The following CNTNAP5 variants were observed in gnomAD, a reference collection of about 807,000 sequenced individuals.
The protein encoded by CNTNAP5 is contactin-associated protein-like 5.
A neutral mutation model predicts 150.2 loss-of-function variants in CNTNAP5; 72 were observed. The observed-to-expected ratio is 0.48, with a 90% confidence interval of 0.40 to 0.58. The LOEUF is 0.58. Among genes scored for constraint, CNTNAP5 ranks in the 20% least tolerant of loss-of-function variants. CNTNAP5 has a pLI of 0.00. For synonymous variants in CNTNAP5, 672 were observed against 619.8 expected, an observed-to-expected ratio of 1.08 and a Z score of -1.25; for missense variants, 1,636 against 1,626.2, an observed-to-expected ratio of 1.01 and a Z score of -0.10.
chr2:124,068,387 C>T (rs1558743992), intron 1 of CNTNAP5, among the ~76,000 whole-genome samples: 1 of 152,148 alleles, frequency 6.6e-6, no homozygotes, highest in African/African-American at 2.4e-5. Context: ...TCATCCAGGG[C>T]CCACAGAAGG....
chr2:124,652,306 G>C (rs1678339984), intron 13 of CNTNAP5, among the ~76,000 whole-genome samples: 1 of 152,128 alleles, frequency 6.6e-6, no homozygotes, highest in African/African-American at 2.4e-5. Flanking sequence ...GAGGCCCTTT[G>C]CTACAGTGCA....
At chr2:124,288,931 G>A (rs1215912449) in intron 3 of CNTNAP5, among the ~76,000 whole-genome samples, 1 of 152,182 alleles carries the variant, frequency 6.6e-6, no homozygotes, top group African/African-American at 2.4e-5. Context: ...TGTAGTAGAA[G>A]TGAATTCTAG....
chr2:124,062,938 A>T (rs1682054036), intron 1 of CNTNAP5, among the ~76,000 whole-genome samples: 1 of 152,144 alleles, frequency 6.6e-6, no homozygotes, highest in South Asian at 2.1e-4. Flanking sequence ...AGTATATCAC[A>T]TTCATTCATT....
intron 19 of CNTNAP5, among the ~76,000 whole-genome samples, chr2:124,852,014 A>T (rs1215654020): frequency 6.6e-6 from 1 of 152,186 alleles, no homozygotes; most frequent in Non-Finnish European, 1.5e-5. Context: ...AGGAGAGAGG[A>T]GAGGACACAA....
At chr2:124,699,808 CTCTT>C (rs199864543) in intron 13 of CNTNAP5, among the ~76,000 whole-genome samples, 15,347 of 151,728 alleles carry the variant, frequency 0.1, 1,065 homozygotes, top group Non-Finnish European at 0.16. Context: ...TTCTTTCTTT[CTCTT>C]TCTTTCTTTC....
intron 13 of CNTNAP5, among the ~76,000 whole-genome samples, chr2:124,667,743 C>T (rs1678730499): frequency 6.6e-6 from 1 of 152,232 alleles, no homozygotes; most frequent in African/African-American, 2.4e-5. Flanking sequence ...TATTCTCTCT[C>T]TCTTATTTTT....
intron 13 of CNTNAP5, among the ~76,000 whole-genome samples, chr2:124,670,418 T>C (rs1678797630): frequency 6.6e-6 from 1 of 151,930 alleles, no homozygotes; most frequent in Non-Finnish European, 1.5e-5. Flanking sequence ...ATAATTGAGT[T>C]GTTTGTCTTT....
intron 16 of CNTNAP5, among the ~76,000 whole-genome samples, chr2:124,768,855 T>G (rs532025839): frequency 6.6e-6 from 1 of 152,290 alleles, no homozygotes; most frequent in Non-Finnish European, 1.5e-5. Context: ...TTTTGTGCAA[T>G]ACCACAGGTA....
intron 1 of CNTNAP5, among the ~76,000 whole-genome samples, chr2:124,046,935 A>G (rs953697155): frequency 3.9e-5 from 6 of 152,184 alleles, no homozygotes; most frequent in African/African-American, 1.2e-4. Context: ...TTGAATGGCC[A>G]TTAAGGTCTC....
intron 12 of CNTNAP5, among the ~76,000 whole-genome samples, chr2:124,643,594 G>A (rs909046251): frequency 6.6e-6 from 1 of 152,142 alleles, no homozygotes; most frequent in African/African-American, 2.4e-5. Context: ...TGCAGAGTAT[G>A]TTCCCCATCG....
chr2:124,252,999 C>T (rs950086297), intron 3 of CNTNAP5, among the ~76,000 whole-genome samples: 9 of 151,400 alleles, frequency 5.9e-5, no homozygotes, highest in Non-Finnish European at 1.3e-4. Context: ...TGTATATATA[C>T]ACATATATAA....
At chr2:124,162,569 G>A (rs987165597) in intron 1 of CNTNAP5, among the ~76,000 whole-genome samples, 13 of 152,226 alleles carry the variant, frequency 8.5e-5, no homozygotes, top group Admixed American at 7.2e-4. Context: ...TGACTTGGGG[G>A]TTAAAATAAA....
At chr2:124,260,551 C>A (rs554672621) in intron 3 of CNTNAP5, among the ~76,000 whole-genome samples, 1 of 152,232 alleles carries the variant, frequency 6.6e-6, no homozygotes, top group East Asian at 1.9e-4. Context: ...TCTGCACAGC[C>A]AAAGAAACTG....
rs139644758 is a variant in CNTNAP5, at chr2:124,026,860, TC to T, written c.82+1130del. 7.5e-4 allele frequency among the ~76,000 whole-genome samples: 114 copies of T among 152,318 alleles called. 1 individual carries two copies. The highest frequency in any genetic ancestry group is 2.5e-3 in the African/African-American group (102 of 41,570). On this transcript the variant is annotated intron_variant, in intron 1 of 23. Transcript: ENST00000682447. ...ACATAGGGACCTTTCTACCTCACTC[TC>T]CACCCAGTTAGGTCCTAGAGGACCC...
At chr2:124,231,620 A>G (rs1333994556) in intron 2 of CNTNAP5, among the ~76,000 whole-genome samples, 1 of 152,192 alleles carries the variant, frequency 6.6e-6, no homozygotes, top group Non-Finnish European at 1.5e-5. Context: ...AGAAACCTAT[A>G]TATCTTGCCT....
intron 1 of CNTNAP5, among the ~76,000 whole-genome samples, chr2:124,113,134 C>A (rs1364778760): frequency 6.6e-6 from 1 of 152,132 alleles, no homozygotes; most frequent in Admixed American, 6.6e-5. Flanking sequence ...CGTGGCTCAA[C>A]AATTCCACTT....
At chr2:124,190,180 T>C (rs774528255) in intron 1 of CNTNAP5, among the ~76,000 whole-genome samples, 10 of 152,332 alleles carry the variant, frequency 6.6e-5, no homozygotes, top group Middle Eastern at 3.4e-3. Flanking sequence ...TATTCCATAA[T>C]GTGTATGTTA....
chr2:124,882,608 T>C (rs1677986971), intron 21 of CNTNAP5, among the ~76,000 whole-genome samples: 1 of 152,140 alleles, frequency 6.6e-6, no homozygotes, highest in South Asian at 2.1e-4. Flanking sequence ...GCAGAGATGC[T>C]GTCTTCATCA....
intron 3 of CNTNAP5, among the ~76,000 whole-genome samples, chr2:124,408,079 A>G (rs1294818426): frequency 6.6e-6 from 1 of 152,232 alleles, no homozygotes; most frequent in Admixed American, 6.5e-5. Context: ...GGGAAGCGCA[A>G]GGGGTCAGGG....
Sources: allele counts gnomAD v4.1 joint callset (sites outside exome capture counted in the v4.1 genomes callset), GRCh38; gene constraint gnomAD v4.1.1; transcripts MANE v1.5; gene names NCBI Gene and HGNC (gene_info 2026-07-23, HGNC 2026-07-21).